Variants in SNTB1 observed in about 807,000 individuals in gnomAD.
SNTB1 encodes beta-1-syntrophin.
SNTB1 carries 36 observed loss-of-function variants against 48.9 expected under a neutral mutation model. The observed-to-expected ratio is 0.74, with a 90% CI of 0.56 to 0.97. The LOEUF (loss-of-function observed/expected upper bound fraction) is 0.97, where lower values mean the gene tolerates loss of function less well. SNTB1 is among the 50% of genes least tolerant of loss of function. SNTB1 has a pLI of 0.00. For missense variants in SNTB1, 786 were observed against 703.4 expected (o/e 1.12, Z -1.33); for synonymous variants, 299 against 294.6 (o/e 1.01, Z -0.15).
chr8:120,778,280 G>C (rs1266677941), intron 1 of SNTB1, among the ~76,000 whole-genome samples: 1 of 152,264 alleles, frequency 6.6e-6, no homozygotes, highest in Non-Finnish European at 1.5e-5. Context: ...TGGCTAAGCA[G>C]CTAAAAACTT....
intron 2 of SNTB1, among the ~76,000 whole-genome samples, chr8:120,684,735 A>C (rs1351166207): frequency 6.6e-6 from 1 of 151,564 alleles, no homozygotes; most frequent in East Asian, 1.9e-4. Context: ...GCTCACTGCA[A>C]CCTCTGCCTC....
At chr8:120,595,745 G>A (rs578105281) in intron 3 of SNTB1, among the ~76,000 whole-genome samples, 9 of 152,078 alleles carry the variant, frequency 5.9e-5, no homozygotes, top group South Asian at 4.2e-4. Context: ...TACCACGCCC[G>A]GCTAATTTTG....
At chr8:120,648,951 GA>G (rs1431227342) in intron 2 of SNTB1, among the ~76,000 whole-genome samples, 3 of 150,844 alleles carry the variant, frequency 2.0e-5, no homozygotes, top group Middle Eastern at 3.4e-3. Flanking sequence ...TCTTCCAGTT[GA>G]TCGCATCGGC....
rs967704384 is a variant in SNTB1, at chr8:120,789,424, GA to G, written c.571+21848del. ...GAATCTAATGAAATTGAAACCAAAAGAAAAAAAATCAATGAAACAAAAAGCT... is the reference window on the plus strand; with the variant it reads ...GAATCTAATGAAATTGAAACCAAAAGAAAAAAATCAATGAAACAAAAAGCT... On this transcript the variant is annotated intron_variant, in intron 1 of 6. Transcript: ENST00000517992. 1.3e-3 allele frequency among the ~76,000 whole-genome samples: 194 copies of G among 150,982 alleles called. 1 individual carries two copies. The highest frequency in any genetic ancestry group is 4.5e-3 in the African/African-American group (184 of 41,306).
chr8:120,555,287 A>T (rs1586992303), intron 4 of SNTB1, among the ~76,000 whole-genome samples: 1 of 152,228 alleles, frequency 6.6e-6, no homozygotes, highest in African/African-American at 2.4e-5. Flanking sequence ...GTCTCCGAGC[A>T]GAAAGGACCG....
intron 2 of SNTB1, among the ~76,000 whole-genome samples, chr8:120,682,295 T>C (rs1817944068): frequency 6.6e-6 from 1 of 152,220 alleles, no homozygotes; most frequent in Non-Finnish European, 1.5e-5. Flanking sequence ...ATCTGTCTTA[T>C]CATTTTGATA....
chr8:120,660,836 C>T (rs564562033), intron 2 of SNTB1, among the ~76,000 whole-genome samples: 1 of 152,146 alleles, frequency 6.6e-6, no homozygotes, highest in Non-Finnish European at 1.5e-5. Flanking sequence ...AAGAGGTATT[C>T]ACTGGCCTAA....
chr8:120,567,186 C>G (rs1197047972), intron 4 of SNTB1, among the ~76,000 whole-genome samples: 1 of 152,038 alleles, frequency 6.6e-6, no homozygotes, highest in African/African-American at 2.4e-5. Context: ...ATGCGGTAAC[C>G]CTGAGAAACA....
chr8:120,788,807 C>T (rs1819971216), intron 1 of SNTB1, among the ~76,000 whole-genome samples: 1 of 152,052 alleles, frequency 6.6e-6, no homozygotes, highest in South Asian at 2.1e-4. Flanking sequence ...GACTTCAACA[C>T]TCCATTGACA....
At chr8:120,662,723 C>A (rs1000904347) in intron 2 of SNTB1, among the ~76,000 whole-genome samples, 1 of 151,988 alleles carries the variant, frequency 6.6e-6, no homozygotes, top group African/African-American at 2.4e-5. Flanking sequence ...AGCAGTGTAC[C>A]CTTGGGCAAT....
intron 1 of SNTB1, among the ~76,000 whole-genome samples, chr8:120,767,718 C>A (rs1170818964): frequency 6.6e-6 from 1 of 152,142 alleles, no homozygotes; most frequent in Non-Finnish European, 1.5e-5. Context: ...GCCTTAAATG[C>A]AATCAGACAC....
rs1406082406 is a variant in SNTB1 at position 120,645,504 on chromosome 8, T to C, written c.789-12853A>G. Among the ~76,000 whole-genome samples the C allele has an allele frequency of 4.0e-5, 6 of 151,872 alleles. No individual in the cohort carries two copies. The East Asian group carries it at 7.8e-4, about 20-fold the overall frequency. On this transcript the variant is annotated intron_variant, in intron 2 of 6. Transcript: ENST00000517992. The stretch of plus-strand genomic sequence containing the variant: ...TGCGGCATTATTTCTGAGAGCTCTG[T>C]TCTGTTCCATTGATCTATATCTCTG...
intron 3 of SNTB1, among the ~76,000 whole-genome samples, chr8:120,591,746 C>A (rs575861369): frequency 6.6e-6 from 1 of 152,158 alleles, no homozygotes; most frequent in Non-Finnish European, 1.5e-5. Flanking sequence ...GTGTCCTATG[C>A]AATCCTGTTC....
At chr8:120,739,061 T>A (rs1245102008) in intron 1 of SNTB1, among the ~76,000 whole-genome samples, 3 of 152,192 alleles carry the variant, frequency 2.0e-5, no homozygotes, top group Non-Finnish European at 4.4e-5. Flanking sequence ...TGGGAGCCAA[T>A]GAGGTCCTCA....
intron 2 of SNTB1, among the ~76,000 whole-genome samples, chr8:120,668,067 C>G (rs73708604): frequency 2.4e-3 from 366 of 152,264 alleles, no homozygotes; most frequent in African/African-American, 8.2e-3. Context: ...GCTAGAGGAC[C>G]CTTTTCAAAA....
intron 3 of SNTB1, among the ~76,000 whole-genome samples, chr8:120,624,467 T>A (rs1028614976): frequency 1.3e-5 from 2 of 152,160 alleles, no homozygotes; most frequent in African/African-American, 4.8e-5. Flanking sequence ...GATAATGGCA[T>A]TAATCCATTC....
chr8:120,762,985 TG>T, intron 1 of SNTB1, among the ~76,000 whole-genome samples: 1 of 152,200 alleles, frequency 6.6e-6, no homozygotes, highest in Admixed American at 6.5e-5. Context: ...ATTTTAAAGA[TG>T]GGGAAGCTGA....
At chr8:120,640,930 G>C (rs1372138612) in intron 2 of SNTB1, among the ~76,000 whole-genome samples, 1 of 152,058 alleles carries the variant, frequency 6.6e-6, no homozygotes, top group African/African-American at 2.4e-5. Context: ...CTATTGATTG[G>C]AATAGTTTCA....
rs900665168 is a variant in SNTB1, at chr8:120,632,361, T to C, written c.996+83A>G. On this transcript the variant is annotated intron_variant, in intron 3 of 6. Transcript: ENST00000517992. ...GACTGTGAATGAGAGAATCAGCCTA[T>C]GGGATGAGATAGTTTTAGTGGTTAT... 10 of 1,234,720 alleles carry C rather than the reference T, an allele frequency of 8.1e-6. No individual in the cohort carries two copies. The African/African-American group carries it at 1.0e-4, about 13-fold the overall frequency. The allele number at this position is 1,234,720 out of a possible 1,614,324, so 76.5% of individuals were successfully genotyped here. A position where few individuals can be genotyped will look rare whatever the true frequency, so the allele number is the denominator to read the frequency against.
Sources: allele counts gnomAD v4.1 joint callset (sites outside exome capture counted in the v4.1 genomes callset), GRCh38; gene constraint gnomAD v4.1.1; transcripts MANE v1.5; gene names NCBI Gene and HGNC (gene_info 2026-07-23, HGNC 2026-07-21).